The following MACROD2 variants were observed in gnomAD, a reference collection of about 807,000 sequenced individuals.
MACROD2 encodes mono-ADP ribosylhydrolase 2.
A neutral mutation model predicts 70.4 loss-of-function variants in MACROD2; 36 were observed. The observed-to-expected ratio is 0.51, with a 90% CI of 0.39 to 0.68. The LOEUF (loss-of-function observed/expected upper bound fraction) is 0.68, where lower values mean the gene tolerates loss of function less well. MACROD2 is among the 30% of genes least tolerant of loss of function. MACROD2 has a pLI of 0.00. For synonymous variants in MACROD2, 172 were observed against 178.8 expected (o/e 0.96, Z 0.30); for missense variants, 496 against 538.4 (o/e 0.92, Z 0.78).
At chr20:14,368,966 A>G (rs545152972) in intron 3 of MACROD2, among the ~76,000 whole-genome samples, 76 of 152,354 alleles carry the variant, frequency 5.0e-4, no homozygotes, top group South Asian at 3.5e-3. Flanking sequence ...CATTGATCCT[A>G]GAGATCATCT....
At chr20:14,459,522 A>G (rs1434939398) in intron 3 of MACROD2, among the ~76,000 whole-genome samples, 2 of 151,848 alleles carry the variant, frequency 1.3e-5, no homozygotes, top group Non-Finnish European at 2.9e-5. Flanking sequence ...GTGTGTATGT[A>G]TGTAGGTAGG....
At chr20:15,754,679 C>A (rs1417713256) in intron 8 of MACROD2, among the ~76,000 whole-genome samples, 3 of 134,430 alleles carry the variant, frequency 2.2e-5, no homozygotes, top group Admixed American at 7.3e-5. Flanking sequence ...AGAATCTATT[C>A]AATCTTTTTT....
chr20:14,505,026 A>T (rs183657082), intron 4 of MACROD2, among the ~76,000 whole-genome samples: 1 of 152,316 alleles, frequency 6.6e-6, no homozygotes, highest in East Asian at 1.9e-4. Context: ...AGCATTGTTT[A>T]AAAATGTATT....
intron 5 of MACROD2, among the ~76,000 whole-genome samples, chr20:14,765,123 G>A (rs1169869140): frequency 6.6e-6 from 1 of 152,142 alleles, no homozygotes; most frequent in Non-Finnish European, 1.5e-5. Context: ...CACCTGGAGT[G>A]CAGGTTCTTA....
At chr20:15,121,168 T>C (rs1032213538) in intron 5 of MACROD2, among the ~76,000 whole-genome samples, 1 of 152,204 alleles carries the variant, frequency 6.6e-6, no homozygotes, top group South Asian at 2.1e-4. Context: ...GGAAAAGATA[T>C]AATGCGTGAA....
chr20:15,631,709 G>A (rs1180690045), intron 8 of MACROD2, among the ~76,000 whole-genome samples: 1 of 152,166 alleles, frequency 6.6e-6, no homozygotes, highest in Non-Finnish European at 1.5e-5. Context: ...GCTGGAAAAG[G>A]CTGTAGAGCA....
In MACROD2 at chr20:15,050,577, C is replaced by T. The variant is rs182353671; in HGVS notation, c.419-179363C>T. Among the ~76,000 whole-genome samples, 558 of 112,258 alleles carry T rather than the reference C, an allele frequency of 5.0e-3. 5 individuals are homozygous for T. Among genetic ancestry groups the T allele is most frequent in the Non-Finnish European group, 7.1e-3 (427 of 59,814 alleles). The allele number at this position is 112,258 out of a possible 152,430, so 73.6% of individuals were successfully genotyped here. A position where few individuals can be genotyped will look rare whatever the true frequency, so the allele number is the denominator to read the frequency against. On this transcript the variant is annotated intron_variant, in intron 5 of 17. Transcript: ENST00000684519. ...TTTTTTTTGAGATGGAGTCTTGCTCCGTTGCCCAGGCTGGAGTGCAGTGGC... is the reference window on the plus strand; with the variant it reads ...TTTTTTTTGAGATGGAGTCTTGCTCTGTTGCCCAGGCTGGAGTGCAGTGGC...
At chr20:14,878,589 C>A (rs1404004774) in intron 5 of MACROD2, among the ~76,000 whole-genome samples, 1 of 152,132 alleles carries the variant, frequency 6.6e-6, no homozygotes. Flanking sequence ...GAACACATAT[C>A]ATTTGCTTAA....
chr20:14,823,581 C>A (rs527593839), intron 5 of MACROD2, among the ~76,000 whole-genome samples: 1 of 152,112 alleles, frequency 6.6e-6, no homozygotes, highest in South Asian at 2.1e-4. Flanking sequence ...GCTAGAAAAG[C>A]GAAGTGGGAA....
chr20:14,809,479 G>C (rs958327459), intron 5 of MACROD2, among the ~76,000 whole-genome samples: 8 of 152,014 alleles, frequency 5.3e-5, no homozygotes, highest in African/African-American at 1.9e-4. Flanking sequence ...ACAAGAGAAA[G>C]CAGGAAACAC....
intron 3 of MACROD2, among the ~76,000 whole-genome samples, chr20:14,365,689 A>T (rs1020120667): frequency 2.6e-5 from 4 of 151,930 alleles, no homozygotes; most frequent in Non-Finnish European, 5.9e-5. Context: ...TAGTTCCTTA[A>T]AGTGTAAAGT....
chr20:15,599,919 T>A (rs772375522), intron 8 of MACROD2, among the ~76,000 whole-genome samples: 1 of 152,182 alleles, frequency 6.6e-6, no homozygotes, highest in Non-Finnish European at 1.5e-5. Context: ...CCAGACCTTT[T>A]AAATCCCCCT....
At chr20:15,975,066 A>G (rs543164510) in intron 13 of MACROD2, among the ~76,000 whole-genome samples, 1 of 152,304 alleles carries the variant, frequency 6.6e-6, no homozygotes. Context: ...AAGAAAAAAC[A>G]TAAACAATCT....
intron 9 of MACROD2, among the ~76,000 whole-genome samples, chr20:15,867,356 C>T (rs1168623000): frequency 1.3e-5 from 2 of 152,110 alleles, no homozygotes; most frequent in Non-Finnish European, 2.9e-5. Context: ...GGGAAAGAAA[C>T]CAGCATCGAA....
chr20:14,539,468 T>G (rs951660038), intron 4 of MACROD2, among the ~76,000 whole-genome samples: 1 of 151,986 alleles, frequency 6.6e-6, no homozygotes, highest in Non-Finnish European at 1.5e-5. Flanking sequence ...GAAGGACCTG[T>G]GTGAAAAGGA....
intron 8 of MACROD2, among the ~76,000 whole-genome samples, chr20:15,740,663 C>G (rs2051090546): frequency 6.6e-6 from 1 of 151,784 alleles, no homozygotes. Flanking sequence ...CTTAGCATAC[C>G]TAAAACAACT....
At chr20:15,356,613 G>C (rs952756501) in intron 6 of MACROD2, among the ~76,000 whole-genome samples, 1 of 152,032 alleles carries the variant, frequency 6.6e-6, no homozygotes, top group Admixed American at 6.6e-5. Context: ...GCTAAACTCT[G>C]TCTCTACTGA....
chr20:15,982,392 G>A (rs771925444), intron 13 of MACROD2, among the ~76,000 whole-genome samples: 39 of 152,180 alleles, frequency 2.6e-4, no homozygotes, highest in Non-Finnish European at 4.4e-4. Flanking sequence ...GTCAGTTGAA[G>A]TCTTTACTGT....
intron 4 of MACROD2, among the ~76,000 whole-genome samples, chr20:14,600,343 T>TATATATAC (rs1320891260): frequency 1.2e-4 from 15 of 130,222 alleles, no homozygotes; most frequent in African/African-American, 4.7e-4. Flanking sequence ...TATATATATA[T>TATATATAC]ACACACACAC....
Sources: allele counts gnomAD v4.1 joint callset (sites outside exome capture counted in the v4.1 genomes callset), GRCh38; gene constraint gnomAD v4.1.1; transcripts MANE v1.5; gene names NCBI Gene and HGNC (gene_info 2026-07-23, HGNC 2026-07-21).